TMC6: variants seen among roughly 807,000 people sequenced by gnomAD.
The protein encoded by TMC6 is transmembrane channel like 6.
In TMC6, 71 loss-of-function variants were observed where a neutral mutation model predicts 95.4. That is an observed-to-expected ratio of 0.74 (90% CI 0.61 to 0.91). The LOEUF is 0.91. Among genes scored for constraint, TMC6 ranks in the 40% least tolerant of loss-of-function variants. The pLI is 0.00. For missense variants in TMC6, 1,074 were observed against 1,079.1 expected, an observed-to-expected ratio of 1.00 and a Z score of 0.07; for synonymous variants, 514 against 483.1, an observed-to-expected ratio of 1.06 and a Z score of -0.84.
chr17:78,112,876 G>T lies in TMC6; in HGVS notation c.*272C>A, dbSNP rs575329834. On this transcript the variant is annotated 3_prime_UTR_variant, in exon 20 of 20. Transcript: ENST00000590602. Reference sequence around the variant, plus strand: ...GGTGGCCCCAGGGCAGCGGGAAGCAGGCCCCGGGTGTGGTCACAGACACAG... The same window carrying T: ...GGTGGCCCCAGGGCAGCGGGAAGCATGCCCCGGGTGTGGTCACAGACACAG... 2.7e-5 allele frequency: 14 copies of T among 511,764 alleles called. No homozygotes were observed. The South Asian group carries it at 2.8e-4, about 10-fold the overall frequency. 31.7% of individuals were successfully genotyped at this position (511,764 alleles called of 1,614,324 possible).
At chr17:78,118,893 G>T in intron 15 of TMC6, 78 bp downstream of exon 15, 1 of 1,474,238 alleles carries the variant, frequency 6.8e-7, no homozygotes, top group Non-Finnish European at 9.3e-7. Context: ...TAGTGTCCCA[G>T]GCTCTGCCCA....
upstream of TMC6, chr17:78,132,367 G>A (rs755470929): frequency 1.9e-6 from 3 of 1,612,922 alleles, no homozygotes; most frequent in African/African-American, 1.3e-5. Context: ...AGGCCTCTTC[G>A]GCACAGGAAT....
intron 18 of TMC6, chr17:78,114,090 A>C (rs185877499): frequency 1.6e-4 from 47 of 296,022 alleles, no homozygotes; most frequent in African/African-American, 1.0e-3. Context: ...TGGAAGTGAG[A>C]AGTCCAAAAT....
chr17:78,114,930 A>T (rs926159255), intron 18 of TMC6, among the ~76,000 whole-genome samples: 3 of 148,660 alleles, frequency 2.0e-5, no homozygotes, highest in African/African-American at 2.5e-5. Context: ...TAGAGCTGGG[A>T]TTCTCCCAGC....
chr17:78,116,276 CTTTT>C (rs34774395), intron 18 of TMC6, among the ~76,000 whole-genome samples: 7 of 125,448 alleles, frequency 5.6e-5, no homozygotes, highest in Admixed American at 8.1e-5. Context: ...CATGCCCAGG[CTTTT>C]TTTTTTTTTT....
chr17:78,113,357 GC>G, intron 19 of TMC6, 146 bp from the exon 20 acceptor site: 1 of 1,236,786 alleles, frequency 8.1e-7, no homozygotes, highest in Non-Finnish European at 1.1e-6. Flanking sequence ...TGTCAAAATG[GC>G]CAGGCTCCGG....
At chr17:78,113,677 G>C in intron 18 of TMC6, 53 bp from the exon 19 acceptor site, 1 of 1,588,578 alleles carries the variant, frequency 6.3e-7, no homozygotes, top group Non-Finnish European at 8.6e-7. Context: ...AGCCCATCCA[G>C]AGCCATCCTG....
At chr17:78,125,285 C>T (rs1482848386) in intron 5 of TMC6, 22 bp from the exon 6 acceptor site, 26 of 1,549,656 alleles carry the variant, frequency 1.7e-5, no homozygotes, top group Non-Finnish European at 2.2e-5. Flanking sequence ...AGAGGGAGGT[C>T]CTGCCCATCC....
Position 78,125,747 on chromosome 17 carries a change from GGTCCA to G in TMC6, c.404_408del (p.Leu135ProfsTer38), listed in dbSNP as rs2074677258. Reference sequence around the variant, plus strand: ...TCACCCTCCTCCTCCAGGGCCGTGGGGTCCAGCTCCAGGTCGTACAGGCGGAGGCT... The same window carrying G: ...TCACCCTCCTCCTCCAGGGCCGTGGGGCTCCAGGTCGTACAGGCGGAGGCT... On this transcript the variant is annotated frameshift_variant, in exon 5 of 20. Coordinates refer to ENST00000590602, the MANE Select transcript of TMC6 (RefSeq NM_001127198.5). LOFTEE classifies it high-confidence loss of function. The G allele has an allele frequency of 1.3e-6, 2 of 1,568,738 alleles. No homozygotes were observed. Among genetic ancestry groups the G allele is most frequent in the Non-Finnish European group, 1.7e-6 (2 of 1,157,326 alleles).
rs540429780 is a variant in TMC6, at chr17:78,121,501, C to T, written c.1383+55G>A. 10 of 1,609,362 alleles carry T rather than the reference C, an allele frequency of 6.2e-6. No individual in the cohort carries two copies. The Admixed American group carries it at 1.2e-4, about 19-fold the overall frequency. On this transcript the variant is annotated intron_variant, in intron 11 of 19. Transcript: ENST00000590602. The surrounding 1 kb of genome is among the most constrained non-coding windows in gnomAD (Gnocchi z 5.6). ...GCTGCCTCCCCAGGGGGCAGGTGCC[C>T]AGAGTCACTGGGGACACGTTCCAAG...
At chr17:78,114,999 A>G (rs571906068) in intron 18 of TMC6, among the ~76,000 whole-genome samples, 1 of 152,354 alleles carries the variant, frequency 6.6e-6, no homozygotes, top group South Asian at 2.1e-4. Context: ...GGGGGCTCTG[A>G]AATGCCACCC....
upstream of TMC6, chr17:78,131,761 C>T: frequency 1.3e-6 from 2 of 1,566,266 alleles, no homozygotes; most frequent in Non-Finnish European, 1.7e-6. Flanking sequence ...GGGCGCCAGA[C>T]GGTGCGTGGG....
chr17:78,119,398 T>C lies in TMC6; in HGVS notation c.1716-6A>G, dbSNP rs754698200. The C allele has an allele frequency of 2.0e-6, 3 of 1,475,510 alleles. No homozygotes were observed. In the Admixed American group the frequency reaches 8.4e-5, roughly 41 times the overall value. 91.4% of individuals were successfully genotyped at this position (1,475,510 alleles called of 1,614,324 possible). A position where few individuals can be genotyped will look rare whatever the true frequency, so the allele number is the denominator to read the frequency against. Reference sequence around the variant, plus strand: ...GCTTCTTCTCGGAGATAATCCTGCCTCCGAGGACCCCGGATCGTTAGATGG... The same window carrying C: ...GCTTCTTCTCGGAGATAATCCTGCCCCCGAGGACCCCGGATCGTTAGATGG... On this transcript the variant is annotated splice_region_variant and splice_polypyrimidine_tract_variant and intron_variant, in intron 13 of 19. Coordinates refer to ENST00000590602, the MANE Select transcript of TMC6 (RefSeq NM_001127198.5).
At position 78,124,963 on chromosome 17, in the gene TMC6, C is replaced by T; in HGVS notation, c.559G>A (p.Gly187Arg). The stretch of plus-strand genomic sequence containing the variant: ...CTGCCCGGCTGGCCCCTCCACTTCC[C>T]CCTCGGGGTCCTGCTCTTCTCTCTG... ...SLREKSRTPR[G>R]KWRGQPGSGG... The change falls in exon 7 of 20, where the codon GGG becomes AGG. Residue 187 changes from glycine to arginine, a missense_variant. Gly to Arg is a moderately radical substitution (Grantham distance 125, BLOSUM62 -2). Transcript: ENST00000590602. The T allele has an allele frequency of 6.3e-7, 1 of 1,594,868 alleles. No homozygotes were observed. Among genetic ancestry groups the T allele is most frequent in the Non-Finnish European group, 8.5e-7 (1 of 1,173,270 alleles).
upstream of TMC6, among the ~76,000 whole-genome samples, chr17:78,129,690 T>G (rs1412825062): frequency 6.6e-6 from 1 of 152,110 alleles, no homozygotes; most frequent in Non-Finnish European, 1.5e-5. The surrounding 1 kb of genome is among the most constrained non-coding windows in gnomAD (Gnocchi z 4.3). Flanking sequence ...GAGCTGCCAG[T>G]GTGGTCCTCA....
intron 1 of TMC6, 71 bp from the exon 2 acceptor site, chr17:78,126,977 G>T: frequency 1.0e-6 from 1 of 952,580 alleles, no homozygotes; most frequent in Non-Finnish European, 1.6e-6. Context: ...ACCCATTCCT[G>T]GGGGAACCAC....
intron 15 of TMC6, chr17:78,118,295 G>C (rs1000513389): frequency 2.8e-6 from 1 of 363,318 alleles, no homozygotes; most frequent in African/African-American, 2.1e-5. Flanking sequence ...GGTGGCTCAT[G>C]CCTGTAATCC....
rs1441756367 is a variant in TMC6 at position 78,112,310 on chromosome 17, G to C, written c.*838C>G. 1 of 243,968 alleles carries C rather than the reference G, an allele frequency of 4.1e-6. No individual in the cohort carries two copies. The highest frequency in any genetic ancestry group is 5.6e-5 in the Admixed American group (1 of 17,864). The allele number at this position is 243,968 out of a possible 1,614,324, so 15.1% of individuals were successfully genotyped here. On this transcript the variant is annotated 3_prime_UTR_variant, in exon 20 of 20. Coordinates refer to ENST00000590602, the MANE Select transcript of TMC6 (RefSeq NM_001127198.5). The stretch of plus-strand genomic sequence containing the variant: ...GACCTGGAGCCCTGGGCTGTCATGG[G>C]CTGGTCCCTGCAGACCTGGAGCACG...
At position 78,125,163 on chromosome 17, in the gene TMC6, G is replaced by A. The variant is rs773850971; in HGVS notation, c.531C>T (p.Ser177=). The A allele has an allele frequency of 1.3e-6, 2 of 1,564,618 alleles. No homozygotes were observed. Among genetic ancestry groups the A allele is most frequent in the African/African-American group, 1.4e-5 (1 of 73,922 alleles). The change falls in exon 6 of 20, where the codon AGC becomes AGT. Residue 177 remains serine (S), a synonymous_variant. Transcript: ENST00000590602. ...TCAGGGTCGGGGCTGCTCACCGCAG[G>A]CTGCGTTTCTCAGCCAGGCTTAAGG... The part of the protein sequence containing the change: ...GMPLSLAEKR[S]LREKSRTPRG...
Sources: allele counts gnomAD v4.1 joint callset (sites outside exome capture counted in the v4.1 genomes callset), GRCh38; gene constraint gnomAD v4.1.1; non-coding constraint Gnocchi (gnomAD v3.1); transcripts MANE v1.5; gene names NCBI Gene and HGNC (gene_info 2026-07-23, HGNC 2026-07-21).